The following MRTFA variants were observed in gnomAD, a reference collection of about 807,000 sequenced individuals.
MRTFA encodes the protein myocardin related transcription factor A.
MRTFA carries 20 observed loss-of-function variants against 83.5 expected under a neutral mutation model. The observed-to-expected ratio is 0.24, with a 90% CI of 0.17 to 0.35. The LOEUF (loss-of-function observed/expected upper bound fraction) is 0.35. Among genes scored for constraint, MRTFA ranks in the 10% least tolerant of loss-of-function variants. The pLI is 1.00. For missense variants in MRTFA, 1,200 were observed against 1,224.7 expected (o/e 0.98, Z 0.30); for synonymous variants, 659 against 541.2 (o/e 1.22, Z -3.02).
intron 3 of MRTFA, among the ~76,000 whole-genome samples, chr22:40,538,158 G>C (rs1280430388): frequency 2.7e-5 from 1 of 36,586 alleles, no homozygotes; most frequent in African/African-American, 1.2e-4. Flanking sequence ...TTGAGAAATC[G>C]GATGGTTGCC....
chr22:40,588,177 C>T (rs1435948190), intron 2 of MRTFA, among the ~76,000 whole-genome samples: 5 of 151,922 alleles, frequency 3.3e-5, no homozygotes, highest in East Asian at 1.9e-4. Context: ...TACAGGCACG[C>T]GCCACCACGC....
At chr22:40,428,352 A>G (rs188846097) in intron 7 of MRTFA, among the ~76,000 whole-genome samples, 37 of 152,290 alleles carry the variant, frequency 2.4e-4, no homozygotes, top group Non-Finnish European at 4.1e-4. Flanking sequence ...ACTGCTTGGT[A>G]TGTGGGGTAA....
chr22:40,571,566 CT>C (rs1259077914), intron 2 of MRTFA, among the ~76,000 whole-genome samples: 1 of 152,030 alleles, frequency 6.6e-6, no homozygotes, highest in African/African-American at 2.4e-5. Context: ...ATATAAAGAA[CT>C]CTTACAATTC....
chr22:40,495,451 CAAA>C (rs1316601851), intron 3 of MRTFA, among the ~76,000 whole-genome samples: 2 of 121,540 alleles, frequency 1.6e-5, no homozygotes, highest in Non-Finnish European at 1.7e-5. Flanking sequence ...GACTCCGTCT[CAAA>C]AAAAAAAAAA....
At chr22:40,586,962 T>C (rs2056040079) in intron 2 of MRTFA, 1 of 451,998 alleles carries the variant, frequency 2.2e-6, no homozygotes, top group Admixed American at 2.5e-5. Flanking sequence ...CGCTGCCTTA[T>C]CCACCTGGAG....
chr22:40,420,752 A>G lies in MRTFA; in HGVS notation c.1181+95T>C, dbSNP rs568669467. On this transcript the variant is annotated intron_variant, in intron 10 of 14. Transcript: ENST00000355630. ...GTAGCATCCAGACCAGCGGGTCCTT[A>G]AAGATGTGAGGTTCACCCCCACCAG... 1.7e-5 allele frequency: 27 copies of G among 1,570,750 alleles called. No homozygotes were observed. The South Asian group carries it at 2.9e-4, about 17-fold the overall frequency.
chr22:40,628,168 A>T (rs922542916), intron 1 of MRTFA, among the ~76,000 whole-genome samples: 1 of 152,196 alleles, frequency 6.6e-6, no homozygotes, highest in East Asian at 1.9e-4. Flanking sequence ...CATAATCCTT[A>T]TAACGACCTC....
chr22:40,631,048 G>T (rs1297735576), intron 1 of MRTFA, among the ~76,000 whole-genome samples: 1 of 152,170 alleles, frequency 6.6e-6, no homozygotes, highest in African/African-American at 2.4e-5. Context: ...ATACAAGATG[G>T]TAAGAGACAC....
At chr22:40,549,072 G>T (rs1251645629) in intron 3 of MRTFA, among the ~76,000 whole-genome samples, 1 of 151,772 alleles carries the variant, frequency 6.6e-6, no homozygotes, top group South Asian at 2.1e-4. Context: ...GTTTCTGTTT[G>T]TTTTTTTTAA....
chr22:40,631,589 A>G (rs1002253128), intron 1 of MRTFA, among the ~76,000 whole-genome samples: 3 of 152,142 alleles, frequency 2.0e-5, no homozygotes, highest in African/African-American at 7.2e-5. Flanking sequence ...GTAACTGCTC[A>G]TCTATCACTA....
intron 1 of MRTFA, among the ~76,000 whole-genome samples, chr22:40,596,912 T>C (rs1184209141): frequency 6.6e-6 from 1 of 150,854 alleles, no homozygotes; most frequent in Non-Finnish European, 1.5e-5. Flanking sequence ...GAGGTGGAGG[T>C]TGCAATGAGC....
intron 3 of MRTFA, among the ~76,000 whole-genome samples, chr22:40,497,202 A>G (rs1174921174): frequency 6.6e-6 from 1 of 152,218 alleles, no homozygotes; most frequent in Non-Finnish European, 1.5e-5. Context: ...GGAGAGTTAG[A>G]GAAGGCCTCC....
At chr22:40,500,885 G>C (rs2054456849) in intron 3 of MRTFA, among the ~76,000 whole-genome samples, 1 of 150,734 alleles carries the variant, frequency 6.6e-6, no homozygotes, top group Non-Finnish European at 1.5e-5. Context: ...TGTCATCCTG[G>C]CCCATTCTCA....
At chr22:40,530,749 G>C (rs2055065124) in intron 3 of MRTFA, among the ~76,000 whole-genome samples, 2 of 152,248 alleles carry the variant, frequency 1.3e-5, no homozygotes, top group South Asian at 4.1e-4. Flanking sequence ...CACATTCTGA[G>C]ATGCAGAAGA....
chr22:40,437,843 C>T (rs541467741), intron 4 of MRTFA, among the ~76,000 whole-genome samples: 2 of 152,028 alleles, frequency 1.3e-5, no homozygotes, highest in East Asian at 3.9e-4. Flanking sequence ...ACAACATGTC[C>T]CCATCAGAGC....
intron 4 of MRTFA, among the ~76,000 whole-genome samples, chr22:40,460,613 T>A (rs2053693921): frequency 6.6e-6 from 1 of 152,186 alleles, no homozygotes; most frequent in South Asian, 2.1e-4. Context: ...ACTAAGTATA[T>A]GATGTCCTTG....
In MRTFA at chr22:40,417,458, G is replaced by A; in HGVS notation, c.2400C>T (p.Pro800=). The stretch of plus-strand genomic sequence containing the variant: ...GGTGCTCCAGGTCCATCTGGGCAGA[G>A]GGGGCAGGCGCTGGAGAGCCAGGCT... The change falls in exon 13 of 15, where the codon CCC becomes CCT. Residue 800 remains proline, a synonymous_variant. Coordinates refer to ENST00000355630, the MANE Select transcript of MRTFA (RefSeq NM_020831.6). 1 of 1,598,342 alleles carries A rather than the reference G, an allele frequency of 6.3e-7. No homozygotes were observed. The highest frequency in any genetic ancestry group is 8.5e-7 in the Non-Finnish European group (1 of 1,173,340).
intron 14 of MRTFA, chr22:40,412,336 A>AG (rs1257400940): frequency 6.5e-6 from 1 of 153,204 alleles, no homozygotes; most frequent in East Asian, 1.9e-4. Flanking sequence ...AGTATTGGTG[A>AG]GGATACAGAG....
chr22:40,475,074 G>A (rs1199290729), intron 3 of MRTFA, among the ~76,000 whole-genome samples: 3 of 150,766 alleles, frequency 2.0e-5, no homozygotes, highest in African/African-American at 7.3e-5. Context: ...CCTGATTTCA[G>A]GTGATCCGCC....
Sources: gnomAD v4.1 joint callset for allele counts (sites outside exome capture counted in the v4.1 genomes callset) on GRCh38, gnomAD v4.1.1 for gene constraint, MANE v1.5 for transcripts, NCBI Gene and HGNC (gene_info 2026-07-23, HGNC 2026-07-21) for gene names.